The following LIFR variants were observed in gnomAD, a reference collection of about 807,000 sequenced individuals.
The protein encoded by LIFR is leukemia inhibitory factor receptor.
A neutral mutation model predicts 122.2 loss-of-function variants in LIFR; 84 were observed. That is an observed-to-expected ratio of 0.69 (90% confidence interval 0.58 to 0.82). The LOEUF (loss-of-function observed/expected upper bound fraction) is 0.82, where lower values mean the gene tolerates loss of function less well. Among genes scored for constraint, LIFR ranks in the 40% least tolerant of loss-of-function variants. LIFR has a pLI of 0.00. For synonymous variants in LIFR, 422 were observed against 434.7 expected, an observed-to-expected ratio of 0.97 and a Z score of 0.36; for missense variants, 1,294 against 1,311.6, an observed-to-expected ratio of 0.99 and a Z score of 0.21.
chr5:38,556,814 A>G (rs1748598826), upstream of LIFR: 1 of 148,288 alleles, frequency 6.7e-6, no homozygotes, highest in East Asian at 2.1e-4. Flanking sequence ...GAGTCGGAGG[A>G]ACGCGGCCGC....
intron 1 of LIFR, among the ~76,000 whole-genome samples, chr5:38,547,000 G>T (rs756170129): frequency 1.3e-5 from 2 of 152,174 alleles, no homozygotes; most frequent in Non-Finnish European, 2.9e-5. Flanking sequence ...TTGCTCTCCA[G>T]TCACCATTAC....
chr5:38,605,005 T>C (rs1420551853), intron 2 of LIFR, among the ~76,000 whole-genome samples: 2 of 152,104 alleles, frequency 1.3e-5, no homozygotes, highest in Admixed American at 1.3e-4. Flanking sequence ...GAAAGGAATG[T>C]CTGGGTTATG....
At chr5:38,595,124 G>A (rs16904004) in intron 1 of LIFR, 11,010 of 173,140 alleles carry the variant, frequency 0.064, 1,197 homozygotes, top group African/African-American at 0.23. Flanking sequence ...AGGACAAAGA[G>A]GTAAGGTCAG....
chr5:38,546,894 C>G (rs375168138), intron 1 of LIFR, among the ~76,000 whole-genome samples: 7 of 152,292 alleles, frequency 4.6e-5, no homozygotes, highest in African/African-American at 1.7e-4. Flanking sequence ...AAACAGTCAT[C>G]TGTAATTTTA....
chr5:38,558,548 TAAAGAA>T (rs1211080373), upstream of LIFR: 2 of 152,098 alleles, frequency 1.3e-5, no homozygotes, highest in Non-Finnish European at 2.9e-5. Context: ...GTGGTCCTCT[TAAAGAA>T]AAAGCAAATA....
At chr5:38,511,004 T>C (rs1745772386) in intron 6 of LIFR, among the ~76,000 whole-genome samples, 1 of 152,216 alleles carries the variant, frequency 6.6e-6, no homozygotes, top group African/African-American at 2.4e-5. Flanking sequence ...GGTCAGTGTC[T>C]AAAGTTAATG....
chr5:38,479,451 G>T lies in LIFR; in HGVS notation c.*2144C>A, dbSNP rs997644541. ...GATATTCATCATTAACCAAACAAAT[G>T]AGTCGTTATATAGGTTAGAAAGGGC... On this transcript the variant is annotated 3_prime_UTR_variant, in exon 20 of 20. Transcript: ENST00000453190. The T allele has an allele frequency of 1.7e-5, 4 of 230,612 alleles. No individual in the cohort carries two copies. Among genetic ancestry groups the T allele is most frequent in the African/African-American group, 8.8e-5 (4 of 45,212 alleles). The allele number at this position is 230,612 out of a possible 1,614,324, so 14.3% of individuals were successfully genotyped here. A position where few individuals can be genotyped will look rare whatever the true frequency, so the allele number is the denominator to read the frequency against.
At chr5:38,599,445 A>T (rs2112779720), upstream of LIFR, among the ~76,000 whole-genome samples, 1 of 152,274 alleles carries the variant, frequency 6.6e-6, no homozygotes, top group East Asian at 1.9e-4. Context: ...AGACCTTGAG[A>T]ACCTGGAGAT....
intron 1 of LIFR, among the ~76,000 whole-genome samples, chr5:38,548,651 A>T (rs1231131207): frequency 6.6e-6 from 1 of 152,230 alleles, no homozygotes; most frequent in South Asian, 2.1e-4. Flanking sequence ...CTATAAAAGG[A>T]AAGAAAGATC....
intron 5 of LIFR, among the ~76,000 whole-genome samples, chr5:38,513,099 C>T (rs1373636): frequency 0.32 from 48,034 of 152,076 alleles, 8,866 homozygotes; most frequent in Middle Eastern, 0.43. Context: ...ACAACTATTT[C>T]CTTCTCCCTT....
upstream of LIFR, among the ~76,000 whole-genome samples, chr5:38,559,435 A>G (rs1303731414): frequency 6.6e-6 from 1 of 152,192 alleles, no homozygotes; most frequent in Non-Finnish European, 1.5e-5. Flanking sequence ...ATTAATCCAT[A>G]TGGACTCCTG....
At chr5:38,575,505 C>T (rs894838920) in intron 1 of LIFR, among the ~76,000 whole-genome samples, 1 of 152,176 alleles carries the variant, frequency 6.6e-6, no homozygotes, top group Non-Finnish European at 1.5e-5. Flanking sequence ...TGGTTACCCA[C>T]CGTTTGCCCA....
chr5:38,525,487 TAAAAA>T (rs1300266533), intron 4 of LIFR, among the ~76,000 whole-genome samples: 1 of 152,124 alleles, frequency 6.6e-6, no homozygotes, highest in African/African-American at 2.4e-5. Context: ...TCTCGGAACT[TAAAAA>T]TAGTTATTAA....
intron 1 of LIFR, among the ~76,000 whole-genome samples, chr5:38,532,214 G>A (rs1306291785): frequency 6.6e-6 from 1 of 152,184 alleles, no homozygotes; most frequent in African/African-American, 2.4e-5. Flanking sequence ...AGGCCCTACA[G>A]CCATGCCAGG....
At chr5:38,557,690 T>A (rs1201047373), upstream of LIFR, 1 of 154,732 alleles carries the variant, frequency 6.5e-6, no homozygotes, top group Admixed American at 6.5e-5. Context: ...GAAGCTTGTT[T>A]TGTAAAATAA....
chr5:38,517,045 C>T (rs960075302), intron 5 of LIFR, among the ~76,000 whole-genome samples: 3 of 151,546 alleles, frequency 2.0e-5, no homozygotes, highest in Admixed American at 1.3e-4. Context: ...CATCACACAT[C>T]GGGGCCTGTC....
chr5:38,490,502 A>C (rs1744528014), intron 14 of LIFR: 3 of 299,840 alleles, frequency 1.0e-5, no homozygotes, highest in Non-Finnish European at 6.1e-6. Context: ...TTTTAACAAA[A>C]AGTTTAGTAA....
chr5:38,488,803 C>T (rs1744420601), intron 16 of LIFR, among the ~76,000 whole-genome samples: 1 of 152,190 alleles, frequency 6.6e-6, no homozygotes, highest in Non-Finnish European at 1.5e-5. Flanking sequence ...TTATGTACAG[C>T]TCTAATAAGA....
intron 1 of LIFR, among the ~76,000 whole-genome samples, chr5:38,587,254 G>A (rs1183675426): frequency 6.6e-6 from 1 of 151,976 alleles, no homozygotes; most frequent in Admixed American, 6.6e-5. Context: ...TCAAGAAAGA[G>A]GGAAACTGAG....
Sources: gnomAD v4.1 joint callset for allele counts (sites outside exome capture counted in the v4.1 genomes callset) on GRCh38, gnomAD v4.1.1 for gene constraint, MANE v1.5 for transcripts, NCBI Gene and HGNC (gene_info 2026-07-23, HGNC 2026-07-21) for gene names.